The following NBEAL1 variants were observed in gnomAD, a reference collection of about 807,000 sequenced individuals.
NBEAL1 encodes neurobeachin-like protein 1.
Under a neutral mutation model 351.3 loss-of-function variants are expected in NBEAL1, and 273 were observed. The observed-to-expected ratio is 0.78, with a 90% CI of 0.70 to 0.86. The LOEUF (loss-of-function observed/expected upper bound fraction) is 0.86, where lower values mean the gene tolerates loss of function less well. Among genes scored for constraint, NBEAL1 ranks in the 40% least tolerant of loss-of-function variants. The pLI, the probability that NBEAL1 is intolerant of heterozygous loss-of-function variation, is 0.00. For missense variants in NBEAL1, 2,961 were observed against 3,201.3 expected (o/e 0.92, Z 1.81); for synonymous variants, 1,050 against 1,086.4 (o/e 0.97, Z 0.66).
chr2:203,149,535 CT>C (rs1022684040), intron 34 of NBEAL1, among the ~76,000 whole-genome samples: 3 of 151,880 alleles, frequency 2.0e-5, no homozygotes, highest in South Asian at 4.1e-4. Context: ...ATTATATTAT[CT>C]TTTTTTTATA....
intron 6 of NBEAL1, 49 bp downstream of exon 6, chr2:203,057,502 A>G: frequency 1.4e-6 from 2 of 1,471,184 alleles, no homozygotes; most frequent in South Asian, 2.5e-5. Flanking sequence ...ATGTCATAAT[A>G]TATTTGATTC....
intron 54 of NBEAL1, among the ~76,000 whole-genome samples, chr2:203,212,394 G>A (rs1012453376): frequency 6.6e-6 from 1 of 151,562 alleles, no homozygotes; most frequent in Non-Finnish European, 1.5e-5. Flanking sequence ...ATCATTTGAG[G>A]TCAGGAGTTC....
intron 43 of NBEAL1, chr2:203,182,056 T>C (rs2064733490): frequency 1.3e-5 from 2 of 152,126 alleles, no homozygotes; most frequent in Admixed American, 6.6e-5. Flanking sequence ...ATATATCAAT[T>C]AGAATGCCTT....
intron 17 of NBEAL1, 107 bp from the exon 18 acceptor site, chr2:203,115,876 TTG>T: frequency 1.6e-6 from 1 of 638,620 alleles, no homozygotes; most frequent in Non-Finnish European, 2.6e-6. Flanking sequence ...TTCAGCTGTG[TTG>T]TTTGAGTAGC....
intron 23 of NBEAL1, 21 bp from the exon 24 acceptor site, chr2:203,127,759 TA>T: frequency 6.9e-7 from 1 of 1,446,796 alleles, no homozygotes; most frequent in Middle Eastern, 2.1e-4. Context: ...TTTCAATTCT[TA>T]TACTTTGTTT....
At chr2:203,088,260 C>T (rs530159332) in intron 10 of NBEAL1, among the ~76,000 whole-genome samples, 1 of 152,112 alleles carries the variant, frequency 6.6e-6, no homozygotes, top group African/African-American at 2.4e-5. Context: ...GGATTCATTA[C>T]AATTTTTTTC....
chr2:203,066,833 G>A (rs1220350458), intron 6 of NBEAL1, among the ~76,000 whole-genome samples: 1 of 147,682 alleles, frequency 6.8e-6, no homozygotes, highest in Non-Finnish European at 1.5e-5. Context: ...GCCGGGCAGA[G>A]GCGCTCCTCA....
intron 42 of NBEAL1, among the ~76,000 whole-genome samples, chr2:203,178,568 A>G (rs2064598212): frequency 6.6e-6 from 1 of 152,238 alleles, no homozygotes; most frequent in South Asian, 2.1e-4. Flanking sequence ...TTATTTGGCC[A>G]TGAATGAATT....
At chr2:203,030,839 C>T (rs1053607212) in intron 2 of NBEAL1, among the ~76,000 whole-genome samples, 1 of 152,050 alleles carries the variant, frequency 6.6e-6, no homozygotes, top group Non-Finnish European at 1.5e-5. Context: ...ATAGTGAGGC[C>T]CTGTCTCTAC....
intron 2 of NBEAL1, among the ~76,000 whole-genome samples, chr2:203,029,119 G>A (rs1474840632): frequency 6.6e-6 from 1 of 152,130 alleles, no homozygotes; most frequent in African/African-American, 2.4e-5. Flanking sequence ...CTGAGTAGCT[G>A]TGATTATAGG....
rs181497810 is a variant in NBEAL1, at chr2:203,222,456, G to A, written c.*5102G>A. ...CAATATTCAGACTTATTTGAAAATA[G>A]GCTTAATCATTATCCTGAGGGACAT... On this transcript the variant is annotated 3_prime_UTR_variant, in exon 56 of 56. Transcript: ENST00000683969. 6.6e-6 allele frequency among the ~76,000 whole-genome samples: 1 copy of A among 152,120 alleles called. No individual in the cohort carries two copies. The highest frequency in any genetic ancestry group is 1.9e-4 in the East Asian group (1 of 5,184).
chr2:203,028,258 C>A (rs542911271), intron 2 of NBEAL1, among the ~76,000 whole-genome samples: 1 of 151,708 alleles, frequency 6.6e-6, no homozygotes, highest in Admixed American at 6.6e-5. Context: ...TGTAAGCAAT[C>A]CTTATGCCTC....
At chr2:203,148,846 G>T in intron 33 of NBEAL1, 145 bp from the exon 34 acceptor site, 1 of 500,314 alleles carries the variant, frequency 2.0e-6, no homozygotes, top group Non-Finnish European at 3.3e-6. Flanking sequence ...TGATTCTAAT[G>T]GAATAAGAAA....
At chr2:203,175,332 G>T in intron 42 of NBEAL1, 45 bp downstream of exon 42, 1 of 1,592,320 alleles carries the variant, frequency 6.3e-7, no homozygotes, top group Non-Finnish European at 8.6e-7. Flanking sequence ...CTATGTTAGT[G>T]TTGAAAACTG....
At chr2:203,213,189 G>T (rs1172646582) in intron 54 of NBEAL1, among the ~76,000 whole-genome samples, 2 of 151,884 alleles carry the variant, frequency 1.3e-5, no homozygotes, top group Admixed American at 6.6e-5. Context: ...GAATGGGTTG[G>T]AAAATTGAAA....
intron 10 of NBEAL1, 105 bp downstream of exon 10, chr2:203,084,674 CTGTT>C (rs1448418473): frequency 5.5e-6 from 3 of 542,080 alleles, no homozygotes; most frequent in East Asian, 3.4e-5. Flanking sequence ...TACTTAATCT[CTGTT>C]TGCATTTAAT....
At chr2:203,091,230 A>G (rs2062058206) in intron 10 of NBEAL1, among the ~76,000 whole-genome samples, 1 of 152,158 alleles carries the variant, frequency 6.6e-6, no homozygotes, top group Admixed American at 6.5e-5. Flanking sequence ...GTGGAATCAT[A>G]TAGTATTTTT....
At position 203,171,987 on chromosome 2, in the gene NBEAL1, A is replaced by C. The variant is rs1301163739; in HGVS notation, c.6162A>C (p.Ala2054=). The change falls in exon 40 of 56, where the codon GCA becomes GCC. Residue 2054 remains alanine (A), a synonymous_variant. Transcript: ENST00000683969. The part of the protein sequence containing the change: ...FDYLIQINTM[A]GRTYNDLAQY... The stretch of plus-strand genomic sequence containing the variant: ...ACCTCATTCAAATAAATACAATGGC[A>C]GGACGAACCTATAATGACCTTGCAC... 3.7e-6 allele frequency: 6 copies of C among 1,608,536 alleles called. No homozygotes were observed. The Admixed American group carries it at 8.5e-5, about 23-fold the overall frequency.
intron 2 of NBEAL1, among the ~76,000 whole-genome samples, chr2:203,029,714 A>G (rs1037068177): frequency 8.6e-5 from 13 of 151,712 alleles, no homozygotes; most frequent in Non-Finnish European, 1.6e-4. Flanking sequence ...AAAAGCTAAT[A>G]AAAACATACA....
Sources: gnomAD v4.1 joint callset for allele counts (sites outside exome capture counted in the v4.1 genomes callset) on GRCh38, gnomAD v4.1.1 for gene constraint, MANE v1.5 for transcripts, NCBI Gene and HGNC (gene_info 2026-07-23, HGNC 2026-07-21) for gene names.